RGS5: variants seen among roughly 807,000 people sequenced by gnomAD.
The protein encoded by RGS5 is regulator of G-protein signalling 5.
Under a neutral mutation model 18.9 loss-of-function variants are expected in RGS5, and 20 were observed. The observed-to-expected ratio is 1.06, with a 90% CI of 0.74 to 1.54. The LOEUF (loss-of-function observed/expected upper bound fraction) is 1.54. RGS5 is among the 40% of genes most tolerant of loss of function. RGS5 has a pLI of 0.00. For synonymous variants in RGS5, 57 were observed against 76.2 expected (o/e 0.75, Z 1.31); for missense variants, 201 against 211.8 (o/e 0.95, Z 0.32).
At chr1:163,310,907 G>T (rs762593549) in intron 1 of RGS5, among the ~76,000 whole-genome samples, 21 of 152,120 alleles carry the variant, frequency 1.4e-4, no homozygotes, top group Non-Finnish European at 2.6e-4. Flanking sequence ...TTCTTCACAA[G>T]GCAGCAGGAA....
chr1:163,249,911 C>T (rs531254045), intron 2 of RGS5, among the ~76,000 whole-genome samples: 43 of 152,294 alleles, frequency 2.8e-4, no homozygotes, highest in Admixed American at 7.8e-4. Flanking sequence ...AAAATTATTG[C>T]TAGTTATGAT....
chr1:163,268,657 T>C (rs1648634823), intron 2 of RGS5, among the ~76,000 whole-genome samples: 1 of 152,068 alleles, frequency 6.6e-6, no homozygotes, highest in Non-Finnish European at 1.5e-5. Context: ...ACCTGACAGC[T>C]AGGCACCACT....
At chr1:163,276,047 T>A (rs1648844312) in intron 2 of RGS5, among the ~76,000 whole-genome samples, 1 of 151,800 alleles carries the variant, frequency 6.6e-6, no homozygotes, top group South Asian at 2.1e-4. Context: ...CAAGCTGGAG[T>A]ACAATGGCGC....
chr1:163,259,340 T>G (rs1445172466), intron 2 of RGS5, among the ~76,000 whole-genome samples: 3 of 151,192 alleles, frequency 2.0e-5, no homozygotes, highest in Non-Finnish European at 4.4e-5. Context: ...TTATCTTTTT[T>G]TTTTCAGTAG....
chr1:163,221,350 A>G (rs1647225272), upstream of RGS5, among the ~76,000 whole-genome samples: 1 of 152,132 alleles, frequency 6.6e-6, no homozygotes, highest in African/African-American at 2.4e-5. Flanking sequence ...TATAAAAATT[A>G]GCTGGGCGTG....
intron 2 of RGS5, among the ~76,000 whole-genome samples, chr1:163,284,333 G>C (rs1649081779): frequency 6.6e-6 from 1 of 152,024 alleles, no homozygotes; most frequent in South Asian, 2.1e-4. Context: ...CTTTTTCATA[G>C]CTATCTATTC....
chr1:163,310,404 C>T (rs528678685), intron 1 of RGS5, among the ~76,000 whole-genome samples: 31 of 150,472 alleles, frequency 2.1e-4, no homozygotes, highest in Middle Eastern at 3.4e-3. Flanking sequence ...GAAACCCCAT[C>T]TCTACTAAAA....
chr1:163,254,721 C>T (rs1490745531), intron 2 of RGS5, among the ~76,000 whole-genome samples: 1 of 152,014 alleles, frequency 6.6e-6, no homozygotes, highest in Non-Finnish European at 1.5e-5. Flanking sequence ...AAGTCCTGGC[C>T]CATGCCTATG....
In RGS5 at chr1:163,171,862, T is replaced by C. The variant is rs184450107; in HGVS notation, c.45-3494A>G. On this transcript the variant is annotated intron_variant, in intron 1 of 4. Transcript: ENST00000313961. ...GCTTTTAGCCCGGAGAGGTCTTAGATGTGGAAACAATCACAAACGGGTGCT... is the reference window on the plus strand; with the variant it reads ...GCTTTTAGCCCGGAGAGGTCTTAGACGTGGAAACAATCACAAACGGGTGCT... Among the ~76,000 whole-genome samples the C allele has an allele frequency of 2.8e-3, 433 of 152,294 alleles. 1 individual carries two copies. The highest frequency in any genetic ancestry group is 1.0e-2 in the African/African-American group (414 of 41,544).
intron 2 of RGS5, among the ~76,000 whole-genome samples, chr1:163,263,894 C>T (rs551470978): frequency 4.0e-5 from 6 of 150,846 alleles, no homozygotes; most frequent in African/African-American, 1.5e-4. Flanking sequence ...ATCCTGTCAC[C>T]TGACATTTTT....
chr1:163,242,848 C>T (rs1012656105), intron 2 of RGS5, among the ~76,000 whole-genome samples: 1 of 152,180 alleles, frequency 6.6e-6, no homozygotes, highest in Non-Finnish European at 1.5e-5. Context: ...GTGACATGAT[C>T]AGATCTGTTT....
At chr1:163,287,830 A>G (rs1185305062) in intron 2 of RGS5, among the ~76,000 whole-genome samples, 1 of 152,146 alleles carries the variant, frequency 6.6e-6, no homozygotes, top group Non-Finnish European at 1.5e-5. Context: ...TTTCTCATTA[A>G]TTTGTCCTAA....
chr1:163,146,775 T>TG lies in RGS5; in HGVS notation c.*566dup, dbSNP rs1390986845. The TG allele has an allele frequency of 6.6e-6, 1 of 152,192 alleles. No homozygotes were observed. Among genetic ancestry groups the TG allele is most frequent in the African/African-American group, 2.4e-5 (1 of 41,446 alleles). The allele number at this position is 152,192 out of a possible 1,614,324, so 9.4% of individuals were successfully genotyped here. A position where few individuals can be genotyped will look rare whatever the true frequency, so the allele number is the denominator to read the frequency against. On this transcript the variant is annotated 3_prime_UTR_variant, in exon 5 of 5. Transcript: ENST00000313961. ...TCTTATTTATAATACCCAACTAACA[T>TG]GAAGGTGGTCCAAGGGAAGGATCAA... is the stretch of plus-strand genomic sequence containing the variant.
At chr1:163,298,218 A>G (rs1171333674) in intron 2 of RGS5, among the ~76,000 whole-genome samples, 1 of 152,150 alleles carries the variant, frequency 6.6e-6, no homozygotes. Flanking sequence ...GTGATAGAGA[A>G]GACATATGCA....
rs865926641 is a variant in RGS5 at position 163,276,579 on chromosome 1, T to C, written c.-281+29654A>G. On this transcript the variant is annotated intron_variant, in intron 2 of 5. Transcript: ENST00000618415. ...TTTGTAGATTTGCCTTGACTTTTGT[T>C]TGTTGGTTTTTATATTACTTAAACA... Among the ~76,000 whole-genome samples, 6 of 152,206 alleles carry C rather than the reference T, an allele frequency of 3.9e-5. No individual in the cohort carries two copies. In the South Asian group the frequency reaches 1.2e-3, roughly 31 times the overall value.
At chr1:163,280,387 C>T (rs1182327125) in intron 2 of RGS5, among the ~76,000 whole-genome samples, 1 of 151,910 alleles carries the variant, frequency 6.6e-6, no homozygotes, top group Non-Finnish European at 1.5e-5. Flanking sequence ...TAAATCACAT[C>T]AACAGGATGA....
rs1571199269 is a variant in RGS5 at position 163,142,605 on chromosome 1, T to C, written c.*4737A>G. ...ACACTATATGACATAAAAAGAACTT[T>C]TGGCAAATATTTATTCAGATTGCTT... On this transcript the variant is annotated 3_prime_UTR_variant, in exon 5 of 5. Coordinates refer to ENST00000313961, the MANE Select transcript of RGS5 (RefSeq NM_003617.4). 6.6e-6 allele frequency: 1 copy of C among 152,306 alleles called. No individual in the cohort carries two copies. The highest frequency in any genetic ancestry group is 2.4e-5 in the African/African-American group (1 of 41,584). 9.4% of individuals were successfully genotyped at this position (152,306 alleles called of 1,614,324 possible). A position where few individuals can be genotyped will look rare whatever the true frequency, so the allele number is the denominator to read the frequency against.
At chr1:163,158,277 CAGAG>C in intron 3 of RGS5, among the ~76,000 whole-genome samples, 1 of 152,054 alleles carries the variant, frequency 6.6e-6, no homozygotes, top group East Asian at 1.9e-4. Context: ...AACAGCCAGA[CAGAG>C]AGAAGCAAAG....
intron 2 of RGS5, among the ~76,000 whole-genome samples, chr1:163,246,505 A>G (rs1194465105): frequency 6.6e-6 from 1 of 152,026 alleles, no homozygotes; most frequent in African/African-American, 2.4e-5. Context: ...CAGGAGGTGG[A>G]GGTTGCAGTG....
Sources: allele counts gnomAD v4.1 joint callset (sites outside exome capture counted in the v4.1 genomes callset), GRCh38; gene constraint gnomAD v4.1.1; transcripts MANE v1.5; gene names NCBI Gene and HGNC (gene_info 2026-07-23, HGNC 2026-07-21).